The following FRY variants were observed in gnomAD, a reference collection of about 807,000 sequenced individuals.
FRY encodes FRY microtubule binding protein.
Under a neutral mutation model 348.4 loss-of-function variants are expected in FRY, and 128 were observed. That is an observed-to-expected ratio of 0.37 (90% CI 0.32 to 0.43). The LOEUF (loss-of-function observed/expected upper bound fraction) is 0.43. Among genes scored for constraint, FRY ranks in the 20% least tolerant of loss-of-function variants. The pLI is 1.00. For synonymous variants in FRY, 1,370 were observed against 1,374.7 expected (o/e 1.00, Z 0.08); for missense variants, 2,736 against 3,695.2 (o/e 0.74, Z 6.73).
Position 32,282,560 on chromosome 13 carries a change from C to T in FRY, c.8469+4012C>T, listed in dbSNP as rs2035066. Among the ~76,000 whole-genome samples the T allele has an allele frequency of 3.9e-3, 592 of 152,292 alleles. 7 individuals carry two copies. The highest frequency in any genetic ancestry group is 0.012 in the African/African-American group (500 of 41,568). ...ATATGAAAGCTTCTCAACCCCCAAG[C>T]CCTACCCAGTCTGGTCCGGTCTTTG... On this transcript the variant is annotated intron_variant, in intron 58 of 60. Coordinates refer to ENST00000542859, the MANE Select transcript of FRY (RefSeq NM_023037.3).
At chr13:32,286,645 G>A (rs1327246982) in intron 58 of FRY, among the ~76,000 whole-genome samples, 2 of 149,154 alleles carry the variant, frequency 1.3e-5, no homozygotes, top group Non-Finnish European at 3.0e-5. Context: ...ACATTGGGAG[G>A]CTGAGGCAAG....
chr13:32,091,240 G>A (rs1266200935), intron 2 of FRY, among the ~76,000 whole-genome samples: 1 of 152,196 alleles, frequency 6.6e-6, no homozygotes, highest in Admixed American at 6.5e-5. Flanking sequence ...TTTACAAACT[G>A]AGGCAGGTTA....
intron 3 of FRY, among the ~76,000 whole-genome samples, chr13:32,107,610 A>G (rs1484341434): frequency 6.6e-6 from 1 of 152,186 alleles, no homozygotes; most frequent in Non-Finnish European, 1.5e-5. Flanking sequence ...ATGGAAACAA[A>G]CAGGAAGGAA....
chr13:32,230,376 A>G (rs798967), intron 40 of FRY, among the ~76,000 whole-genome samples: 82,724 of 152,052 alleles, frequency 0.54, 23,455 homozygotes, highest in East Asian at 0.75. Flanking sequence ...AGCTCCATCC[A>G]TGTCACTGCA....
At chr13:32,194,752 A>G (rs2138300100) in intron 29 of FRY, among the ~76,000 whole-genome samples, 1 of 152,330 alleles carries the variant, frequency 6.6e-6, no homozygotes, top group South Asian at 2.1e-4. Context: ...GTGATACCAA[A>G]GGTTCTATAG....
chr13:32,148,649 C>T (rs1467562873), intron 13 of FRY, among the ~76,000 whole-genome samples: 1 of 152,194 alleles, frequency 6.6e-6, no homozygotes, highest in Non-Finnish European at 1.5e-5. Flanking sequence ...TCTCTATAAC[C>T]TTAAACAAGT....
rs2138774236 is a variant in FRY at position 32,134,950 on chromosome 13, A to G, written c.932A>G (p.His311Arg). 6.2e-7 allele frequency: 1 copy of G among 1,613,592 alleles called. No individual in the cohort carries two copies. Among genetic ancestry groups the G allele is most frequent in the Non-Finnish European group, 8.5e-7 (1 of 1,179,488 alleles). Residue 311 changes from histidine (H) to arginine (R), a missense_variant, in exon 9 of 61, where the codon CAT (histidine) becomes CGT (arginine). Physicochemically the swap from His to Arg is conservative, Grantham distance 29. Transcript: ENST00000542859. The stretch of plus-strand genomic sequence containing the variant: ...GAGGTCAAAGACAAAGATATCAAGC[A>G]TGCCTTGGCTGGGCTTTTTGTTGAA... ...FLEVKDKDIK[H>R]ALAGLFVEIL...
intron 35 of FRY, among the ~76,000 whole-genome samples, chr13:32,216,298 G>A (rs1429733670): frequency 6.6e-6 from 1 of 152,130 alleles, no homozygotes; most frequent in East Asian, 1.9e-4. Flanking sequence ...TTTACAGTTG[G>A]GAGTCAGTTT....
chr13:32,111,676 AC>A (rs1593625358), intron 3 of FRY, among the ~76,000 whole-genome samples: 1 of 152,314 alleles, frequency 6.6e-6, no homozygotes, highest in East Asian at 1.9e-4. Context: ...ACGCTCTTAT[AC>A]CAAATGAAGT....
intron 44 of FRY, among the ~76,000 whole-genome samples, chr13:32,238,851 C>A (rs1279255215): frequency 1.3e-5 from 2 of 152,164 alleles, no homozygotes; most frequent in African/African-American, 4.8e-5. Context: ...TTTAAAGAGT[C>A]TTTTCAATTA....
intron 4 of FRY, among the ~76,000 whole-genome samples, chr13:32,123,014 C>T (rs1878772198): frequency 6.6e-6 from 1 of 152,124 alleles, no homozygotes; most frequent in South Asian, 2.1e-4. Context: ...AGGAAAACTA[C>T]AAAACACTGC....
At chr13:32,113,332 C>G (rs1405445483) in intron 3 of FRY, among the ~76,000 whole-genome samples, 1 of 152,186 alleles carries the variant, frequency 6.6e-6, no homozygotes, top group African/African-American at 2.4e-5. Flanking sequence ...AATGACTCCA[C>G]TGAGTAATTA....
chr13:32,136,809 T>A, intron 10 of FRY, 62 bp from the exon 11 acceptor site: 1 of 955,472 alleles, frequency 1.0e-6, no homozygotes, highest in Non-Finnish European at 1.7e-6. Flanking sequence ...GTACAGAGAA[T>A]GTATGTTACC....
intron 2 of FRY, among the ~76,000 whole-genome samples, chr13:32,095,719 T>G (rs932883339): frequency 1.3e-5 from 2 of 152,214 alleles, no homozygotes; most frequent in Non-Finnish European, 2.9e-5. Flanking sequence ...TGTGGGGTAC[T>G]ACTCAAGAAA....
chr13:32,119,149 T>C (rs1878491653), intron 4 of FRY, among the ~76,000 whole-genome samples: 1 of 152,198 alleles, frequency 6.6e-6, no homozygotes, highest in Non-Finnish European at 1.5e-5. Context: ...AGTTAATGCT[T>C]GAATTTTTAA....
chr13:32,087,963 A>T (rs564821309), intron 2 of FRY, among the ~76,000 whole-genome samples: 2 of 152,212 alleles, frequency 1.3e-5, no homozygotes, highest in Non-Finnish European at 2.9e-5. Flanking sequence ...CAGCCATATG[A>T]TATTTCATAA....
In FRY at chr13:32,298,084, T is replaced by A. The variant is rs1357793364; in HGVS notation, c.*2624T>A. The A allele has an allele frequency of 6.6e-6, 1 of 152,224 alleles. No homozygotes were observed. Among genetic ancestry groups the A allele is most frequent in the Non-Finnish European group, 1.5e-5 (1 of 68,034 alleles). The allele number at this position is 152,224 out of a possible 1,614,324, so 9.4% of individuals were successfully genotyped here. A position where few individuals can be genotyped will look rare whatever the true frequency, so the allele number is the denominator to read the frequency against. ...TCTAACCCATCTAACATCGGTGAGA[T>A]GTTAAGAAAATGTGCCGATGTTACT... On this transcript the variant is annotated 3_prime_UTR_variant, in exon 61 of 61. Transcript: ENST00000542859.
At chr13:32,189,153 A>G (rs924328744) in intron 28 of FRY, among the ~76,000 whole-genome samples, 1 of 152,118 alleles carries the variant, frequency 6.6e-6, no homozygotes, top group Non-Finnish European at 1.5e-5. Flanking sequence ...CAATGATTTC[A>G]CTATTCTTCC....
chr13:32,225,926 A>G lies in FRY; in HGVS notation c.5158A>G (p.Lys1720Glu). Residue 1720 changes from lysine to glutamate, a missense_variant, in exon 39 of 61, where the codon AAG (lysine) becomes GAG (glutamate). This residue lies in a region of FRY where 794 missense variants were observed against 977.0 expected (regional missense o/e 0.81). Coordinates refer to ENST00000542859, the MANE Select transcript of FRY (RefSeq NM_023037.3). ...GCAGACCCGAGAGATGGGTGAAGCT[A>G]AGACTCTAACCGTGCAGCCAGCCTA... The part of the protein sequence containing the change: ...LLQTREMGEA[K>E]TLTVQPAYQP... The G allele has an allele frequency of 6.2e-7, 1 of 1,614,180 alleles. No individual in the cohort carries two copies. Among genetic ancestry groups the G allele is most frequent in the Non-Finnish European group, 8.5e-7 (1 of 1,180,012 alleles).
Sources: gnomAD v4.1 joint callset for allele counts (sites outside exome capture counted in the v4.1 genomes callset) on GRCh38, gnomAD v4.1.1 for gene constraint, gnomAD v4.1.1 regional missense constraint, MANE v1.5 for transcripts, NCBI Gene and HGNC (gene_info 2026-07-23, HGNC 2026-07-21) for gene names.